UBE2H: variants seen among roughly 807,000 people sequenced by gnomAD.
UBE2H encodes the protein ubiquitin conjugating enzyme E2 H.
A neutral mutation model predicts 29.0 loss-of-function variants in UBE2H; 3 were observed. That is an observed-to-expected ratio of 0.10 (90% CI 0.05 to 0.27). UBE2H has a LOEUF of 0.27. Among genes scored for constraint, UBE2H ranks in the 10% least tolerant of loss-of-function variants. UBE2H has a pLI of 1.00. For missense variants in UBE2H, 68 were observed against 228.2 expected (o/e 0.30, Z 4.52); for synonymous variants, 69 against 82.9 (o/e 0.83, Z 0.91).
chr7:129,851,151 AAAT>A (rs1419990208), intron 5 of UBE2H, among the ~76,000 whole-genome samples: 1 of 152,206 alleles, frequency 6.6e-6, no homozygotes. Context: ...TTGCAGAAGA[AAAT>A]AAGTGCTACT....
chr7:129,852,432 A>C (rs924200749), intron 5 of UBE2H, among the ~76,000 whole-genome samples: 3 of 151,528 alleles, frequency 2.0e-5, no homozygotes, highest in Non-Finnish European at 2.9e-5. Context: ...GTGCCACTGC[A>C]CTCCAGCCTG....
chr7:129,831,691 G>C lies in UBE2H; in HGVS notation c.*3246C>G, dbSNP rs763318726. 1 of 152,224 alleles carries C rather than the reference G, an allele frequency of 6.6e-6. No individual in the cohort carries two copies. The highest frequency in any genetic ancestry group is 2.4e-5 in the African/African-American group (1 of 41,438). The allele number at this position is 152,224 out of a possible 1,614,324, so 9.4% of individuals were successfully genotyped here. A position where few individuals can be genotyped will look rare whatever the true frequency, so the allele number is the denominator to read the frequency against. On this transcript the variant is annotated 3_prime_UTR_variant, in exon 7 of 7. Coordinates refer to ENST00000355621, the MANE Select transcript of UBE2H (RefSeq NM_003344.4). The stretch of plus-strand genomic sequence containing the variant: ...GGTTGAAACTGCACAGTAACCTCAA[G>C]GAGGGTGATGAAATTGACGACAAAG...
intron 1 of UBE2H, among the ~76,000 whole-genome samples, chr7:129,918,355 C>T (rs1402936232): frequency 6.6e-6 from 1 of 151,224 alleles, no homozygotes; most frequent in Admixed American, 6.6e-5. Context: ...TCCAAAAAAT[C>T]CAAATTCTTT....
intron 1 of UBE2H, among the ~76,000 whole-genome samples, chr7:129,942,809 C>T (rs532495640): frequency 6.6e-6 from 1 of 151,966 alleles, no homozygotes; most frequent in South Asian, 2.1e-4. Flanking sequence ...AATAAAATTG[C>T]TGTTTGTGAC....
intron 3 of UBE2H, among the ~76,000 whole-genome samples, chr7:129,866,215 CAGG>C (rs954392887): frequency 2.6e-4 from 40 of 152,214 alleles, no homozygotes; most frequent in African/African-American, 9.4e-4. Flanking sequence ...TGTGTGTGTT[CAGG>C]AGATCTAAAC....
At chr7:129,867,699 T>G (rs1435888076) in intron 3 of UBE2H, among the ~76,000 whole-genome samples, 1 of 29,644 alleles carries the variant, frequency 3.4e-5, no homozygotes, top group African/African-American at 1.5e-4. Flanking sequence ...TAGAGTATAA[T>G]AAAAAAAAAA....
At chr7:129,946,707 G>A (rs1807773601) in intron 1 of UBE2H, among the ~76,000 whole-genome samples, 1 of 152,260 alleles carries the variant, frequency 6.6e-6, no homozygotes, top group East Asian at 1.9e-4. Flanking sequence ...GTGCAGTGGT[G>A]CAATCTCAAA....
At chr7:129,892,420 T>G (rs1464751051) in intron 1 of UBE2H, among the ~76,000 whole-genome samples, 1 of 151,852 alleles carries the variant, frequency 6.6e-6, no homozygotes, top group Non-Finnish European at 1.5e-5. Context: ...CCCGGCTAAT[T>G]TTTGTATTTT....
chr7:129,891,084 C>T (rs545764640), intron 1 of UBE2H, among the ~76,000 whole-genome samples: 3 of 151,406 alleles, frequency 2.0e-5, no homozygotes, highest in Non-Finnish European at 4.4e-5. Flanking sequence ...TGCGGTGAGC[C>T]GAGATTGTGC....
At chr7:129,875,322 T>C (rs182540268) in intron 3 of UBE2H, among the ~76,000 whole-genome samples, 6 of 152,298 alleles carry the variant, frequency 3.9e-5, no homozygotes, top group South Asian at 2.1e-4. Context: ...CAAAGAGGTG[T>C]TAAAACATGA....
chr7:129,856,950 T>C (rs1235972747), intron 5 of UBE2H: 2 of 152,292 alleles, frequency 1.3e-5, no homozygotes, highest in African/African-American at 4.8e-5. Flanking sequence ...TGATGCTCTT[T>C]ATAACTCTCT....
intron 5 of UBE2H, 101 bp downstream of exon 5, chr7:129,857,410 C>A: frequency 7.8e-7 from 1 of 1,279,308 alleles, no homozygotes; most frequent in South Asian, 1.4e-5. Context: ...AATCCCTTCC[C>A]ATTACCAACA....
intron 5 of UBE2H, among the ~76,000 whole-genome samples, chr7:129,840,727 A>G (rs1805413844): frequency 6.6e-6 from 1 of 152,212 alleles, no homozygotes; most frequent in Non-Finnish European, 1.5e-5. Context: ...CTGCTTTGTC[A>G]TGTTTTATAT....
chr7:129,910,455 C>T (rs566632235), intron 1 of UBE2H, among the ~76,000 whole-genome samples: 1 of 152,172 alleles, frequency 6.6e-6, no homozygotes, highest in East Asian at 1.9e-4. Context: ...TATCTTTGAC[C>T]GATGGTAGGA....
intron 1 of UBE2H, among the ~76,000 whole-genome samples, chr7:129,928,844 AGG>A (rs1280013265): frequency 6.6e-6 from 1 of 152,222 alleles, no homozygotes; most frequent in African/African-American, 2.4e-5. Flanking sequence ...AACAGAAAAA[AGG>A]CTCTGCATAT....
chr7:129,938,115 T>C (rs932826523), intron 1 of UBE2H, among the ~76,000 whole-genome samples: 3 of 151,940 alleles, frequency 2.0e-5, no homozygotes, highest in African/African-American at 4.8e-5. Context: ...ATATAATTTG[T>C]AATAAAAATC....
intron 1 of UBE2H, among the ~76,000 whole-genome samples, chr7:129,909,431 A>G (rs973553518): frequency 1.3e-5 from 2 of 152,300 alleles, no homozygotes; most frequent in Non-Finnish European, 2.9e-5. Flanking sequence ...AAGGCCATGA[A>G]AAACATACAA....
At chr7:129,837,054 A>G (rs951479729) in intron 6 of UBE2H, among the ~76,000 whole-genome samples, 1 of 152,158 alleles carries the variant, frequency 6.6e-6, no homozygotes, top group Non-Finnish European at 1.5e-5. Context: ...GGGCTATCCA[A>G]TATTTAAACA....
intron 1 of UBE2H, among the ~76,000 whole-genome samples, chr7:129,881,583 G>A (rs1806255100): frequency 6.6e-6 from 1 of 152,070 alleles, no homozygotes; most frequent in Non-Finnish European, 1.5e-5. Context: ...GGGAGGTGGA[G>A]GTTGCAGTGA....
Sources: gnomAD v4.1 joint callset for allele counts (sites outside exome capture counted in the v4.1 genomes callset) on GRCh38, gnomAD v4.1.1 for gene constraint, MANE v1.5 for transcripts, NCBI Gene and HGNC (gene_info 2026-07-23, HGNC 2026-07-21) for gene names.